ATG7: variants seen among roughly 807,000 people sequenced by gnomAD.
ATG7 encodes autophagy related 7.
A neutral mutation model predicts 82.4 loss-of-function variants in ATG7; 70 were observed. The observed-to-expected ratio is 0.85, with a 90% confidence interval of 0.70 to 1.04. The LOEUF (loss-of-function observed/expected upper bound fraction) is 1.04. Among genes scored for constraint, ATG7 ranks in the 50% least tolerant of loss-of-function variants. The pLI, the probability that ATG7 is intolerant of heterozygous loss-of-function variation, is 0.00. For synonymous variants in ATG7, 287 were observed against 313.0 expected, an observed-to-expected ratio of 0.92 and a Z score of 0.88; for missense variants, 792 against 864.3, an observed-to-expected ratio of 0.92 and a Z score of 1.05.
the ATG7 span, among the ~76,000 whole-genome samples, chr3:11,575,241 C>T: frequency 6.6e-6 from 1 of 152,202 alleles, no homozygotes; most frequent in African/African-American, 2.4e-5. Context: ...GGCGGCCGCA[C>T]TGAGTGCTGT....
chr3:11,307,158 A>G, intron 6 of ATG7, 98 bp downstream of exon 6: 10 of 1,100,752 alleles, frequency 9.1e-6, no homozygotes, highest in Non-Finnish European at 1.1e-5. Context: ...AGAAACTGGC[A>G]TATGAAGGGA....
chr3:11,430,457 A>G (rs1315795892), intron 20 of ATG7, among the ~76,000 whole-genome samples: 1 of 152,198 alleles, frequency 6.6e-6, no homozygotes, highest in Non-Finnish European at 1.5e-5. Flanking sequence ...AAAGGTCTCC[A>G]CTTATTTATT....
intron 20 of ATG7, among the ~76,000 whole-genome samples, chr3:11,489,389 G>A (rs2090120291): frequency 6.6e-6 from 1 of 151,728 alleles, no homozygotes. Context: ...TATTAGTCTT[G>A]CTAGTGGTCT....
At chr3:11,392,991 G>A (rs6768611) in intron 19 of ATG7, among the ~76,000 whole-genome samples, 98,230 of 152,000 alleles carry the variant, frequency 0.65, 32,040 homozygotes, top group East Asian at 0.7. Context: ...TGTCCTTTGG[G>A]TATGTATCTC....
intron 11 of ATG7, among the ~76,000 whole-genome samples, chr3:11,338,056 C>G (rs1007348515): frequency 4.6e-5 from 7 of 152,126 alleles, no homozygotes; most frequent in Non-Finnish European, 1.0e-4. Flanking sequence ...TATTTGATCA[C>G]CCAGGTACTA....
chr3:11,554,118 T>C (rs896718239), intron 20 of ATG7, among the ~76,000 whole-genome samples: 1 of 152,158 alleles, frequency 6.6e-6, no homozygotes, highest in Non-Finnish European at 1.5e-5. Context: ...CCAGGGTGGC[T>C]CTTGCTGGGT....
the ATG7 span, among the ~76,000 whole-genome samples, chr3:11,574,821 G>C: frequency 2.1e-5 from 3 of 142,112 alleles, no homozygotes; most frequent in African/African-American, 9.1e-5. Flanking sequence ...GTGTGTGTGT[G>C]TGTGTGTGTG....
intron 3 of ATG7, chr3:11,288,689 G>A (rs1299608042): frequency 6.6e-6 from 1 of 152,182 alleles, no homozygotes; most frequent in East Asian, 1.9e-4. Context: ...TTCCTGTGGG[G>A]ATTTGATCTT....
chr3:11,359,601 C>T (rs1174955708), intron 15 of ATG7, among the ~76,000 whole-genome samples: 1 of 151,886 alleles, frequency 6.6e-6, no homozygotes, highest in African/African-American at 2.4e-5. Context: ...GAGGGTGAGG[C>T]AGGAAGATCA....
intron 20 of ATG7, among the ~76,000 whole-genome samples, chr3:11,535,722 G>C (rs1220251879): frequency 6.6e-6 from 1 of 152,148 alleles, no homozygotes; most frequent in South Asian, 2.1e-4. Context: ...GGCGTGCGCT[G>C]GGGGGAGAAC....
intron 3 of ATG7, among the ~76,000 whole-genome samples, chr3:11,284,470 CTG>C (rs1435302969): frequency 6.6e-6 from 1 of 152,238 alleles, no homozygotes; most frequent in African/African-American, 2.4e-5. Context: ...AGTAGGTCAT[CTG>C]TTAACTGTTG....
Position 11,485,924 on chromosome 3 carries a change from A to T in ATG7, c.2079+58998A>T, listed in dbSNP as rs1223780802. 3.3e-5 allele frequency among the ~76,000 whole-genome samples: 5 copies of T among 152,102 alleles called. No homozygotes were observed. In the East Asian group the frequency reaches 9.6e-4, roughly 29 times the overall value. Reference sequence around the variant, plus strand: ...ATATCTCTGTTTTGGTACCAGTACCATGCTGTTTTGGTTACTGTAGCCTTG... The same window carrying T: ...ATATCTCTGTTTTGGTACCAGTACCTTGCTGTTTTGGTTACTGTAGCCTTG... On this transcript the variant is annotated intron_variant, in intron 20 of 20. Coordinates refer to ENST00000693202, the MANE Select transcript of ATG7 (RefSeq NM_001349232.2).
chr3:11,450,239 G>A (rs1426220077), intron 20 of ATG7, among the ~76,000 whole-genome samples: 2 of 152,180 alleles, frequency 1.3e-5, no homozygotes, highest in African/African-American at 2.4e-5. Context: ...GAGCCAAGTC[G>A]TTTGGCTCCA....
chr3:11,343,841 A>C (rs1256805087), intron 13 of ATG7, among the ~76,000 whole-genome samples: 7 of 151,990 alleles, frequency 4.6e-5, no homozygotes, highest in African/African-American at 7.2e-5. Flanking sequence ...CTATTTTTTT[A>C]TTCCTATATT....
intron 11 of ATG7, among the ~76,000 whole-genome samples, chr3:11,334,864 G>A (rs1952173062): frequency 6.8e-6 from 1 of 147,162 alleles, no homozygotes; most frequent in African/African-American, 2.5e-5. Context: ...GGCTGAGGCA[G>A]AAGAATCGCT....
chr3:11,410,719 G>T (rs1260957105), intron 19 of ATG7, among the ~76,000 whole-genome samples: 5 of 152,160 alleles, frequency 3.3e-5, no homozygotes, highest in African/African-American at 1.2e-4. Flanking sequence ...ACTCCATGGT[G>T]TAGCATGTGT....
chr3:11,545,033 C>T (rs2071156696), intron 20 of ATG7, among the ~76,000 whole-genome samples: 1 of 152,196 alleles, frequency 6.6e-6, no homozygotes, highest in African/African-American at 2.4e-5. Context: ...GCGGAGCCAG[C>T]TGTGTGGGAG....
chr3:11,511,279 G>T (rs1402569540), intron 20 of ATG7, among the ~76,000 whole-genome samples: 1 of 152,104 alleles, frequency 6.6e-6, no homozygotes, highest in Non-Finnish European at 1.5e-5. Context: ...GTTTTGTCAG[G>T]GCGCTGATTG....
At chr3:11,279,424 G>A (rs937693756) in intron 1 of ATG7, among the ~76,000 whole-genome samples, 2 of 152,176 alleles carry the variant, frequency 1.3e-5, no homozygotes, top group African/African-American at 4.8e-5. Context: ...GGTGGCTCAC[G>A]CCTGTAATCC....
Sources: gnomAD v4.1 joint callset for allele counts (sites outside exome capture counted in the v4.1 genomes callset) on GRCh38, gnomAD v4.1.1 for gene constraint, MANE v1.5 for transcripts, NCBI Gene and HGNC (gene_info 2026-07-23, HGNC 2026-07-21) for gene names.